ZNF83: variants seen among roughly 807,000 people sequenced by gnomAD.
ZNF83 encodes the protein zinc finger protein 83, also known as zinc finger protein 816B.
For synonymous variants in ZNF83, 209 were observed against 213.0 expected, an observed-to-expected ratio of 0.98 and a Z score of 0.17; for missense variants, 552 against 629.9, an observed-to-expected ratio of 0.88 and a Z score of 1.32.
chr19:52,665,782 G>A (rs553682871), intron 1 of ZNF83, among the ~76,000 whole-genome samples: 2 of 152,242 alleles, frequency 1.3e-5, no homozygotes, highest in African/African-American at 2.4e-5. Context: ...GGCCTCATGC[G>A]TCTGGAGTAA....
At chr19:52,628,494 G>A (rs368915245) in intron 2 of ZNF83, among the ~76,000 whole-genome samples, 5 of 151,986 alleles carry the variant, frequency 3.3e-5, no homozygotes, top group African/African-American at 4.8e-5. Flanking sequence ...CGTTTTATCC[G>A]TGGACCCAAA....
chr19:52,625,582 T>G (rs1242082160), intron 2 of ZNF83, among the ~76,000 whole-genome samples: 1 of 152,210 alleles, frequency 6.6e-6, no homozygotes, highest in Non-Finnish European at 1.5e-5. Flanking sequence ...CAGAAACAAT[T>G]GGGGCCTTCC....
chr19:52,653,385 T>C, intron 3 of ZNF83: 1 of 998,174 alleles, frequency 1.0e-6, no homozygotes, highest in Admixed American at 1.8e-5. Flanking sequence ...CCTTGCCACA[T>C]TCATTACATG....
Position 52,687,589 on chromosome 19 carries a change from T to C in ZNF83, c.-283+2854A>G, listed in dbSNP as rs1568588758. Reference sequence around the variant, plus strand: ...TATATATATAAATTTTATATATATATATATATAATGTATATATATATAATG... The same window carrying C: ...TATATATATAAATTTTATATATATACATATATAATGTATATATATATAATG... On this transcript the variant is annotated intron_variant, in intron 1 of 5. Transcript: ENST00000594682. 3.4e-5 allele frequency among the ~76,000 whole-genome samples: 2 copies of C among 58,456 alleles called. 1 individual carries two copies. Among genetic ancestry groups the C allele is most frequent in the Non-Finnish European group, 5.9e-5 (2 of 34,044 alleles). The allele number at this position is 58,456 out of a possible 152,430, so 38.3% of individuals were successfully genotyped here.
chr19:52,652,687 G>A (rs1367352270), intron 3 of ZNF83: 5 of 605,862 alleles, frequency 8.3e-6, no homozygotes, highest in African/African-American at 1.8e-5. Context: ...TGCAATGCTT[G>A]TAGCATTACT....
At chr19:52,689,901 A>C (rs796763546) in intron 1 of ZNF83, among the ~76,000 whole-genome samples, 1 of 152,194 alleles carries the variant, frequency 6.6e-6, no homozygotes, top group South Asian at 2.1e-4. Flanking sequence ...CACCTCCCCA[A>C]CGCGGGCTCA....
chr19:52,675,537 A>G (rs1262893495), intron 1 of ZNF83, among the ~76,000 whole-genome samples: 1 of 152,006 alleles, frequency 6.6e-6, no homozygotes, highest in Non-Finnish European at 1.5e-5. Context: ...GGCCTCCTAT[A>G]ATTTTGTCCA....
At chr19:52,613,124 C>T (rs2060160032) in exon 3 of ZNF83, 1 of 1,613,980 alleles carries the variant, frequency 6.2e-7, no homozygotes, top group African/African-American at 1.3e-5. Context: ...TGTTTCTCTC[C>T]AGTGTGGATC....
chr19:52,624,337 C>T (rs572045360), intron 2 of ZNF83, among the ~76,000 whole-genome samples: 2 of 152,252 alleles, frequency 1.3e-5, no homozygotes, highest in South Asian at 2.1e-4. Flanking sequence ...TGGCATAATT[C>T]TTCATGAAAA....
intron 1 of ZNF83, chr19:52,636,056 G>A (rs2147194776): frequency 6.6e-6 from 1 of 151,500 alleles, no homozygotes; most frequent in Admixed American, 6.6e-5. Context: ...CAGTACTCTG[G>A]GCGGCCAAGG....
At chr19:52,613,269 A>C in exon 3 of ZNF83, 2 of 1,614,054 alleles carry the variant, frequency 1.2e-6, no homozygotes, top group Non-Finnish European at 1.7e-6. Flanking sequence ...TCCCACATTC[A>C]TTACATTTAT....
chr19:52,686,409 G>T (rs1210584400), intron 1 of ZNF83, among the ~76,000 whole-genome samples: 1 of 146,570 alleles, frequency 6.8e-6, no homozygotes, highest in East Asian at 2.0e-4. Context: ...TATTAAAAAA[G>T]ATACTCTTAA....
chr19:52,689,686 T>C (rs1156653040), intron 1 of ZNF83, among the ~76,000 whole-genome samples: 1 of 152,132 alleles, frequency 6.6e-6, no homozygotes, highest in Non-Finnish European at 1.5e-5. Flanking sequence ...ACCCATCCTC[T>C]ACTTTGCCAT....
At chr19:52,648,149 TTATC>T (rs1214254835) in intron 3 of ZNF83, among the ~76,000 whole-genome samples, 2 of 117,592 alleles carry the variant, frequency 1.7e-5, no homozygotes, top group Admixed American at 1.8e-4. Flanking sequence ...TCCTGCTTTC[TTATC>T]TTTTTTTTTT....
chr19:52,615,566 C>G (rs1214162755), intron 2 of ZNF83, among the ~76,000 whole-genome samples: 4 of 152,068 alleles, frequency 2.6e-5, no homozygotes, highest in South Asian at 4.1e-4. Flanking sequence ...TGATTAAACC[C>G]TGTCTCTACT....
At chr19:52,622,922 G>C (rs534838592) in intron 2 of ZNF83, among the ~76,000 whole-genome samples, 1 of 152,360 alleles carries the variant, frequency 6.6e-6, no homozygotes, top group African/African-American at 2.4e-5. Flanking sequence ...CCTCTGCTGT[G>C]AGACAAAACT....
At chr19:52,670,110 AATCACCTGCTCCACCTTGACTCATTCTG>A (rs1281884195) in intron 1 of ZNF83, among the ~76,000 whole-genome samples, 47 of 151,724 alleles carry the variant, frequency 3.1e-4, no homozygotes, top group African/African-American at 1.1e-3. Flanking sequence ...GACTCATTCC[AATCACCTGCTCCACCTTGACTCATTCTG>A]ATCACCTGCT....
chr19:52,641,134 G>A (rs1263626255), upstream of ZNF83, among the ~76,000 whole-genome samples: 1 of 150,030 alleles, frequency 6.7e-6, no homozygotes. Context: ...GTATGGCCTG[G>A]CCCCCAGGCG....
chr19:52,634,934 GA>G, intron 2 of ZNF83, 131 bp downstream of exon 2: 2 of 765,874 alleles, frequency 2.6e-6, no homozygotes, highest in South Asian at 1.6e-5. Flanking sequence ...GGGACTGAGG[GA>G]AGGCATGGGT....
Sources: gnomAD v4.1 joint callset for allele counts (sites outside exome capture counted in the v4.1 genomes callset) on GRCh38, gnomAD v4.1.1 for gene constraint, MANE v1.5 for transcripts, NCBI Gene and HGNC (gene_info 2026-07-23, HGNC 2026-07-21) for gene names.